The following LCLAT1 variants were observed in gnomAD, a reference collection of about 807,000 sequenced individuals.
LCLAT1 encodes 1-AGP acyltransferase 8.
In LCLAT1, 11 loss-of-function variants were observed where a neutral mutation model predicts 30.7. The ratio of observed to expected loss-of-function variants is 0.36; its 90% CI spans 0.23 to 0.59. The LOEUF (loss-of-function observed/expected upper bound fraction) is 0.59, where lower values mean the gene tolerates loss of function less well. Ranked by LOEUF, LCLAT1 falls within the 20% of genes least tolerant of loss-of-function variation. The pLI is 0.77. For synonymous variants in LCLAT1, 155 were observed against 151.3 expected (o/e 1.02, Z -0.18); for missense variants, 402 against 458.6 (o/e 0.88, Z 1.13).
intron 1 of LCLAT1, among the ~76,000 whole-genome samples, chr2:30,497,790 T>C (rs893712378): frequency 2.6e-5 from 4 of 152,236 alleles, no homozygotes; most frequent in African/African-American, 9.6e-5. Context: ...TCACCTCATT[T>C]CAGCGATGCC....
intron 1 of LCLAT1, among the ~76,000 whole-genome samples, chr2:30,489,783 A>G (rs1683749598): frequency 6.6e-6 from 1 of 152,136 alleles, no homozygotes; most frequent in Non-Finnish European, 1.5e-5. Context: ...CTGTGGCCCC[A>G]CCCCATCCTG....
chr2:30,557,651 G>A (rs1209765339), intron 3 of LCLAT1, among the ~76,000 whole-genome samples: 1 of 152,026 alleles, frequency 6.6e-6, no homozygotes, highest in Non-Finnish European at 1.5e-5. Flanking sequence ...CTGACCTCAG[G>A]TGATCCACCT....
chr2:30,630,641 A>G (rs74654050), intron 5 of LCLAT1, among the ~76,000 whole-genome samples: 1 of 152,306 alleles, frequency 6.6e-6, no homozygotes. Flanking sequence ...ACAGCCTTCT[A>G]CTTTTTTCAA....
intron 5 of LCLAT1, among the ~76,000 whole-genome samples, chr2:30,635,123 GA>G (rs1369904604): frequency 6.6e-6 from 1 of 152,266 alleles, no homozygotes; most frequent in African/African-American, 2.4e-5. Context: ...AGACAGGCCA[GA>G]AGTGGTGGCT....
At chr2:30,474,246 C>A (rs1304442370) in intron 1 of LCLAT1, among the ~76,000 whole-genome samples, 1 of 152,124 alleles carries the variant, frequency 6.6e-6, no homozygotes, top group Non-Finnish European at 1.5e-5. Flanking sequence ...GAACCTGCTC[C>A]CTGACAGGAT....
At chr2:30,584,327 T>C (rs1666336222) in intron 5 of LCLAT1, among the ~76,000 whole-genome samples, 1 of 152,222 alleles carries the variant, frequency 6.6e-6, no homozygotes. Context: ...CCGCACTCAA[T>C]GCATCTAGCC....
intron 1 of LCLAT1, among the ~76,000 whole-genome samples, chr2:30,515,951 A>C (rs1479426121): frequency 6.6e-6 from 1 of 152,202 alleles, no homozygotes; most frequent in Non-Finnish European, 1.5e-5. Context: ...GAGGGATAGT[A>C]ATGAGAGACA....
chr2:30,642,671 G>A lies in LCLAT1; in HGVS notation c.*2052G>A, dbSNP rs959052710. The A allele has an allele frequency of 6.6e-6, 1 of 151,344 alleles. No individual in the cohort carries two copies. Among genetic ancestry groups the A allele is most frequent in the Non-Finnish European group, 1.5e-5 (1 of 67,872 alleles). 9.4% of individuals were successfully genotyped at this position (151,344 alleles called of 1,614,324 possible). On this transcript the variant is annotated 3_prime_UTR_variant, in exon 6 of 6. Transcript: ENST00000379509. ...AACATTTAATTGCATGTCCTCTAAC[G>A]CTTTGAAACCTTTAGAGGGAAGATC...
chr2:30,592,440 C>T (rs1666737923), intron 5 of LCLAT1, among the ~76,000 whole-genome samples: 1 of 152,066 alleles, frequency 6.6e-6, no homozygotes, highest in African/African-American at 2.4e-5. Flanking sequence ...GCTGCAATTG[C>T]ACCACCATAC....
At position 30,589,253 on chromosome 2, in the gene LCLAT1, G is replaced by C. The variant is rs76708259; in HGVS notation, c.628+21077G>C. Among the ~76,000 whole-genome samples, 1,351 of 152,244 alleles carry C rather than the reference G, an allele frequency of 8.9e-3. 16 individuals are homozygous for C. The highest frequency in any genetic ancestry group is 0.03 in the African/African-American group (1,257 of 41,542). ...TCTTCCAATTGAAATATTATTCCAT[G>C]TTTAGTTTTACTGAGAACAAAATGT... On this transcript the variant is annotated intron_variant, in intron 5 of 5. Transcript: ENST00000379509.
At chr2:30,469,743 T>G (rs1404659779) in intron 1 of LCLAT1, among the ~76,000 whole-genome samples, 2 of 152,056 alleles carry the variant, frequency 1.3e-5, no homozygotes, top group Non-Finnish European at 2.9e-5. Flanking sequence ...CACACCTGGC[T>G]GGGACTACAG....
intron 3 of LCLAT1, chr2:30,552,768 A>G (rs1043541577): frequency 2.3e-5 from 5 of 212,942 alleles, no homozygotes; most frequent in African/African-American, 1.2e-4. Flanking sequence ...ATTTATTTGT[A>G]TAACTACTAT....
intron 1 of LCLAT1, among the ~76,000 whole-genome samples, chr2:30,454,493 C>T (rs975136202): frequency 6.6e-6 from 1 of 152,034 alleles, no homozygotes; most frequent in African/African-American, 2.4e-5. Context: ...CTCTGTTGCC[C>T]AGACTGGATT....
chr2:30,572,337 G>A (rs367673808), intron 5 of LCLAT1, among the ~76,000 whole-genome samples: 22 of 152,204 alleles, frequency 1.4e-4, no homozygotes, highest in African/African-American at 4.6e-4. Flanking sequence ...TTCTTCTTAT[G>A]TACCAGGTAT....
intron 3 of LCLAT1, among the ~76,000 whole-genome samples, chr2:30,545,315 G>T (rs1205138659): frequency 2.6e-5 from 4 of 152,034 alleles, no homozygotes; most frequent in Non-Finnish European, 4.4e-5. Flanking sequence ...ACAATTTGAT[G>T]TAATTTTAGG....
intron 1 of LCLAT1, among the ~76,000 whole-genome samples, chr2:30,501,302 G>A (rs1219356466): frequency 6.6e-6 from 1 of 152,128 alleles, no homozygotes; most frequent in Non-Finnish European, 1.5e-5. Flanking sequence ...AACCCCCAGT[G>A]CTTTGGTAAC....
intron 1 of LCLAT1, among the ~76,000 whole-genome samples, chr2:30,499,777 C>G (rs777060717): frequency 6.6e-6 from 1 of 152,158 alleles, no homozygotes; most frequent in African/African-American, 2.4e-5. Flanking sequence ...CCTGCAAGTA[C>G]CAATTGCCTT....
chr2:30,625,418 T>A (rs1308066028), intron 5 of LCLAT1, among the ~76,000 whole-genome samples: 1 of 152,122 alleles, frequency 6.6e-6, no homozygotes, highest in Non-Finnish European at 1.5e-5. Context: ...ACCAGGGCCA[T>A]GGAAAAGACA....
At chr2:30,471,103 G>A (rs371520808) in intron 1 of LCLAT1, among the ~76,000 whole-genome samples, 42 of 151,620 alleles carry the variant, frequency 2.8e-4, no homozygotes, top group African/African-American at 8.2e-4. Context: ...TAGTAGGGAC[G>A]GAGTTTCACC....
Sources: allele counts gnomAD v4.1 joint callset (sites outside exome capture counted in the v4.1 genomes callset), GRCh38; gene constraint gnomAD v4.1.1; transcripts MANE v1.5; gene names NCBI Gene and HGNC (gene_info 2026-07-23, HGNC 2026-07-21).